Variants in CSMD1 observed in about 807,000 individuals in gnomAD.
CSMD1 encodes the protein CUB and Sushi multiple domains 1.
Under a neutral mutation model 417.5 loss-of-function variants are expected in CSMD1, and 213 were observed. That is an observed-to-expected ratio of 0.51 (90% confidence interval 0.46 to 0.57). The LOEUF (loss-of-function observed/expected upper bound fraction) is 0.57, where lower values mean the gene tolerates loss of function less well. CSMD1 is among the 20% of genes least tolerant of loss of function. The probability of loss-of-function intolerance (pLI) is 0.00; values close to 1 mark genes in which losing one functional copy is unlikely to be tolerated. For synonymous variants in CSMD1, 2,862 were observed against 1,736.8 expected, an observed-to-expected ratio of 1.65 and a Z score of -16.11; for missense variants, 6,923 against 4,529.7, an observed-to-expected ratio of 1.53 and a Z score of -15.17.
At chr8:4,723,078 T>A (rs1809170004) in intron 1 of CSMD1, among the ~76,000 whole-genome samples, 1 of 152,118 alleles carries the variant, frequency 6.6e-6, no homozygotes. Context: ...TGAATAGAGG[T>A]CAGCTTTCTG....
intron 1 of CSMD1, among the ~76,000 whole-genome samples, chr8:4,744,912 T>A (rs1050571943): frequency 6.6e-6 from 1 of 152,222 alleles, no homozygotes; most frequent in Non-Finnish European, 1.5e-5. Flanking sequence ...GCTCAGTATG[T>A]ATAAAAATCC....
chr8:4,896,343 A>G (rs1324030230), intron 1 of CSMD1, among the ~76,000 whole-genome samples: 1 of 152,076 alleles, frequency 6.6e-6, no homozygotes, highest in East Asian at 1.9e-4. Context: ...TTTAATCTGC[A>G]TATTTGAGCT....
At chr8:4,761,113 T>G (rs1177723031) in intron 1 of CSMD1, among the ~76,000 whole-genome samples, 3 of 152,000 alleles carry the variant, frequency 2.0e-5, no homozygotes, top group Non-Finnish European at 4.4e-5. Flanking sequence ...ATGTATTCAG[T>G]GAATATGCAA....
chr8:4,159,276 T>G (rs1292290136), intron 3 of CSMD1, among the ~76,000 whole-genome samples: 1 of 152,192 alleles, frequency 6.6e-6, no homozygotes, highest in African/African-American at 2.4e-5. Context: ...GCATTTAGTG[T>G]AAGTTTAATT....
chr8:4,760,204 T>C (rs1178370968), intron 1 of CSMD1, among the ~76,000 whole-genome samples: 1 of 152,166 alleles, frequency 6.6e-6, no homozygotes, highest in African/African-American at 2.4e-5. Context: ...TTCTAATAAA[T>C]CTATGTAATT....
chr8:3,938,902 C>T (rs564604768), intron 5 of CSMD1, among the ~76,000 whole-genome samples: 1 of 152,146 alleles, frequency 6.6e-6, no homozygotes, highest in East Asian at 1.9e-4. Context: ...TATCTATATG[C>T]TCAATACTCT....
intron 5 of CSMD1, among the ~76,000 whole-genome samples, chr8:3,981,312 G>C (rs555088466): frequency 7.9e-5 from 12 of 152,154 alleles, no homozygotes; most frequent in South Asian, 4.2e-4. Context: ...AAAGGCAAAA[G>C]AATGATAACA....
At chr8:3,489,898 G>C (rs188826639) in intron 11 of CSMD1, among the ~76,000 whole-genome samples, 1 of 152,120 alleles carries the variant, frequency 6.6e-6, no homozygotes, top group East Asian at 1.9e-4. Flanking sequence ...CCATGAAGAG[G>C]TTTTAAACTG....
intron 2 of CSMD1, among the ~76,000 whole-genome samples, chr8:4,597,079 G>T (rs1429688470): frequency 1.3e-5 from 2 of 150,840 alleles, no homozygotes; most frequent in African/African-American, 4.9e-5. Context: ...GTCTTTTTCA[G>T]CAGCATGAAA....
At chr8:3,763,756 A>C (rs190707784) in intron 5 of CSMD1, among the ~76,000 whole-genome samples, 10 of 152,282 alleles carry the variant, frequency 6.6e-5, no homozygotes, top group Admixed American at 3.9e-4. Context: ...TGAGGAGATA[A>C]ATGGTGGTAG....
chr8:4,947,888 T>C (rs1808472808), intron 1 of CSMD1, among the ~76,000 whole-genome samples: 1 of 152,130 alleles, frequency 6.6e-6, no homozygotes, highest in African/African-American at 2.4e-5. Context: ...TATTGCAAGG[T>C]GTGCGTCCAT....
intron 11 of CSMD1, among the ~76,000 whole-genome samples, chr8:3,485,933 G>A (rs1015480928): frequency 1.4e-4 from 22 of 152,158 alleles, no homozygotes; most frequent in Admixed American, 5.2e-4. Context: ...CTGGAGATCC[G>A]GACGAAGTCT....
intron 26 of CSMD1, among the ~76,000 whole-genome samples, chr8:3,244,908 G>A (rs1356090679): frequency 6.6e-6 from 1 of 152,142 alleles, no homozygotes; most frequent in Non-Finnish European, 1.5e-5. Context: ...CACCCCAAGG[G>A]CGCTGAGAAG....
At chr8:3,506,908 A>G (rs1796850483) in intron 10 of CSMD1, among the ~76,000 whole-genome samples, 1 of 152,208 alleles carries the variant, frequency 6.6e-6, no homozygotes, top group South Asian at 2.1e-4. Context: ...GAAAATAAAT[A>G]TTGGCAACAT....
chr8:4,630,356 G>C (rs1802438308), intron 2 of CSMD1, among the ~76,000 whole-genome samples: 1 of 151,852 alleles, frequency 6.6e-6, no homozygotes, highest in Non-Finnish European at 1.5e-5. Context: ...CTTAGGGAAG[G>C]AGAGAATTAG....
chr8:3,490,139 G>A (rs529947822), intron 11 of CSMD1, among the ~76,000 whole-genome samples: 1 of 152,230 alleles, frequency 6.6e-6, no homozygotes, highest in Admixed American at 6.5e-5. Context: ...TCTGTGATCT[G>A]GTACACTAAG....
intron 40 of CSMD1, among the ~76,000 whole-genome samples, chr8:3,145,043 TTG>T (rs34827109): frequency 2.0e-5 from 3 of 146,790 alleles, no homozygotes; most frequent in South Asian, 4.2e-4. Flanking sequence ...GAGTAAAGAG[TTG>T]TGTGTGTGTG....
At chr8:4,751,393 G>GC (rs545557258) in intron 1 of CSMD1, among the ~76,000 whole-genome samples, 7 of 151,910 alleles carry the variant, frequency 4.6e-5, no homozygotes, top group African/African-American at 9.7e-5. Flanking sequence ...TCTGTCTCAG[G>GC]GGGGGTGGCG....
chr8:3,650,132 A>T (rs1797776228), intron 7 of CSMD1, among the ~76,000 whole-genome samples: 1 of 152,090 alleles, frequency 6.6e-6, no homozygotes. Flanking sequence ...TACAAAACTT[A>T]GCCAGGCATG....
Sources: gnomAD v4.1 joint callset for allele counts (sites outside exome capture counted in the v4.1 genomes callset) on GRCh38, gnomAD v4.1.1 for gene constraint, MANE v1.5 for transcripts, NCBI Gene and HGNC (gene_info 2026-07-23, HGNC 2026-07-21) for gene names.